The following CDH18 variants were observed in gnomAD, a reference collection of about 807,000 sequenced individuals.
CDH18 encodes cadherin-18.
Under a neutral mutation model 67.9 loss-of-function variants are expected in CDH18, and 31 were observed. That is an observed-to-expected ratio of 0.46 (90% CI 0.34 to 0.62). CDH18 has a LOEUF of 0.62. Ranked by LOEUF, CDH18 falls within the 20% of genes least tolerant of loss-of-function variation. The pLI is 0.01. For synonymous variants in CDH18, 362 were observed against 347.2 expected (o/e 1.04, Z -0.48); for missense variants, 890 against 975.5 (o/e 0.91, Z 1.17).
chr5:19,882,883 A>G (rs1787800479), intron 2 of CDH18, among the ~76,000 whole-genome samples: 1 of 152,230 alleles, frequency 6.6e-6, no homozygotes, highest in African/African-American at 2.4e-5. Context: ...GTAAGTTATC[A>G]GGTATCAAGA....
chr5:19,708,748 A>G (rs1299864321), intron 5 of CDH18, among the ~76,000 whole-genome samples: 1 of 152,118 alleles, frequency 6.6e-6, no homozygotes. Context: ...ATTTTAGTTA[A>G]TCTATAATCT....
rs542580527 is a variant in CDH18, at chr5:20,202,957, C to T, written c.-518+52487G>A. On this transcript the variant is annotated intron_variant, in intron 2 of 14. Coordinates refer to the CDH18 transcript ENST00000507958. Reference sequence around the variant, plus strand: ...CAAACATATAGCACTGAGGTTATCACCAGAAACATCCTAGAACTCAAATAT... The same window carrying T: ...CAAACATATAGCACTGAGGTTATCATCAGAAACATCCTAGAACTCAAATAT... Among the ~76,000 whole-genome samples the T allele has an allele frequency of 1.4e-4, 22 of 152,152 alleles. No individual in the cohort carries two copies. The East Asian group carries it at 4.1e-3, about 28-fold the overall frequency.
intron 2 of CDH18, among the ~76,000 whole-genome samples, chr5:20,107,058 A>G (rs1747004743): frequency 6.6e-6 from 1 of 150,656 alleles, no homozygotes; most frequent in Admixed American, 6.7e-5. Flanking sequence ...TTTGTTAGAA[A>G]GCACTTAAGT....
intron 2 of CDH18, among the ~76,000 whole-genome samples, chr5:19,927,868 C>T (rs573237627): frequency 2.0e-5 from 3 of 152,236 alleles, no homozygotes; most frequent in African/African-American, 7.2e-5. Context: ...CTGACAGACC[C>T]TTGAGATGGC....
intron 1 of CDH18, among the ~76,000 whole-genome samples, chr5:20,298,254 C>T (rs1407763774): frequency 6.6e-6 from 1 of 152,012 alleles, no homozygotes; most frequent in Non-Finnish European, 1.5e-5. Context: ...AATTAAAACT[C>T]AAAAAATTAT....
chr5:19,602,898 G>A (rs915801927), intron 6 of CDH18, among the ~76,000 whole-genome samples: 2 of 152,102 alleles, frequency 1.3e-5, no homozygotes, highest in African/African-American at 4.8e-5. Flanking sequence ...CCAGGAGGCG[G>A]AGGGTGCAGT....
At chr5:19,734,978 T>C (rs1768112729) in intron 4 of CDH18, among the ~76,000 whole-genome samples, 1 of 152,290 alleles carries the variant, frequency 6.6e-6, no homozygotes, top group Non-Finnish European at 1.5e-5. Flanking sequence ...CTCTGAAATG[T>C]GGTTGGGCTG....
intron 1 of CDH18, among the ~76,000 whole-genome samples, chr5:20,565,242 AT>A (rs1758433066): frequency 6.6e-6 from 1 of 152,066 alleles, no homozygotes; most frequent in South Asian, 2.1e-4. Context: ...GTGATTTTTC[AT>A]TATGGGAACT....
At chr5:19,988,677 T>C (rs557331552), upstream of CDH18, among the ~76,000 whole-genome samples, 19 of 151,946 alleles carry the variant, frequency 1.3e-4, no homozygotes, top group Admixed American at 8.5e-4. Flanking sequence ...ACCCAGGAAA[T>C]AAGGCAGGGC....
intron 3 of CDH18, among the ~76,000 whole-genome samples, chr5:19,750,591 T>C (rs1770704503): frequency 6.6e-6 from 1 of 152,028 alleles, no homozygotes; most frequent in South Asian, 2.1e-4. Flanking sequence ...GCATGGAAAT[T>C]AGAAATACTC....
intron 2 of CDH18, among the ~76,000 whole-genome samples, chr5:20,072,991 C>A (rs996339126): frequency 6.6e-6 from 1 of 151,762 alleles, no homozygotes; most frequent in African/African-American, 2.4e-5. Flanking sequence ...ATGAGGATAA[C>A]AGAAATAGGG....
At chr5:20,142,307 T>C (rs1214395086) in intron 2 of CDH18, among the ~76,000 whole-genome samples, 1 of 152,110 alleles carries the variant, frequency 6.6e-6, no homozygotes, top group African/African-American at 2.4e-5. Context: ...AGCCCAGTTG[T>C]GGTGGTTCAT....
At chr5:20,031,088 T>C (rs1739351638) in intron 2 of CDH18, among the ~76,000 whole-genome samples, 1 of 152,104 alleles carries the variant, frequency 6.6e-6, no homozygotes, top group Admixed American at 6.6e-5. Context: ...AGCTATATCA[T>C]TATTTTTACC....
chr5:20,146,866 A>G (rs72743039), intron 2 of CDH18, among the ~76,000 whole-genome samples: 376 of 152,132 alleles, frequency 2.5e-3, no homozygotes, highest in Non-Finnish European at 4.6e-3. Context: ...TATACTTTTG[A>G]TATAGACAGA....
chr5:20,345,664 T>C (rs1740640030), intron 1 of CDH18, among the ~76,000 whole-genome samples: 1 of 152,074 alleles, frequency 6.6e-6, no homozygotes, highest in Non-Finnish European at 1.5e-5. Flanking sequence ...TAACCCAGGA[T>C]ATAACAAAAG....
intron 11 of CDH18, among the ~76,000 whole-genome samples, chr5:19,495,609 A>G (rs987795229): frequency 2.7e-5 from 4 of 150,912 alleles, no homozygotes; most frequent in Admixed American, 6.6e-5. Flanking sequence ...GCGTGGTGGC[A>G]CATGCCTGTA....
At chr5:20,031,183 C>A (rs1739359715) in intron 2 of CDH18, among the ~76,000 whole-genome samples, 1 of 151,996 alleles carries the variant, frequency 6.6e-6, no homozygotes, top group South Asian at 2.1e-4. Context: ...GATCTTTATT[C>A]ATTCTGCTTT....
At chr5:19,761,274 A>C (rs1040956203) in intron 3 of CDH18, among the ~76,000 whole-genome samples, 1 of 152,186 alleles carries the variant, frequency 6.6e-6, no homozygotes, top group Non-Finnish European at 1.5e-5. Context: ...AGGAGATAGA[A>C]TCTCTCAGTT....
Position 20,510,610 on chromosome 5 carries a change from C to T in CDH18, c.-580+64852G>A, listed in dbSNP as rs141785546. On this transcript the variant is annotated intron_variant, in intron 1 of 14. Transcript: ENST00000507958. ...ATCTTGAAAAAATGTGGGATTCTAT[C>T]ATGTTTTTGAAAAGAAAGACTCAAG... Among the ~76,000 whole-genome samples the T allele has an allele frequency of 2.6e-3, 388 of 152,138 alleles. 1 individual carries two copies. Among genetic ancestry groups the T allele is most frequent in the African/African-American group, 9.1e-3 (378 of 41,504 alleles).
Sources: gnomAD v4.1 joint callset for allele counts (sites outside exome capture counted in the v4.1 genomes callset) on GRCh38, gnomAD v4.1.1 for gene constraint, MANE v1.5 for transcripts, NCBI Gene and HGNC (gene_info 2026-07-23, HGNC 2026-07-21) for gene names.